The following PTPRN2 variants were observed in gnomAD, a reference collection of about 807,000 sequenced individuals.
PTPRN2 encodes protein tyrosine phosphatase receptor type N2, also known as receptor-type tyrosine-protein phosphatase N2.
A neutral mutation model predicts 118.8 loss-of-function variants in PTPRN2; 74 were observed. The ratio of observed to expected loss-of-function variants is 0.62; its 90% CI spans 0.52 to 0.76. The LOEUF (loss-of-function observed/expected upper bound fraction) is 0.76, where lower values mean the gene tolerates loss of function less well. Ranked by LOEUF, PTPRN2 falls within the 30% of genes least tolerant of loss-of-function variation. The probability of loss-of-function intolerance (pLI) is 0.00; values close to 1 mark genes in which losing one functional copy is unlikely to be tolerated. For missense variants in PTPRN2, 1,481 were observed against 1,394.4 expected (o/e 1.06, Z -0.99); for synonymous variants, 641 against 608.0 (o/e 1.05, Z -0.80).
intron 13 of PTPRN2, among the ~76,000 whole-genome samples, chr7:157,677,918 G>A (rs974156772): frequency 6.6e-6 from 1 of 152,184 alleles, no homozygotes; most frequent in African/African-American, 2.4e-5. Context: ...TTGCCCTCCC[G>A]GGGCCTGGAG....
intron 12 of PTPRN2, among the ~76,000 whole-genome samples, chr7:157,820,484 C>G (rs1042634420): frequency 6.7e-6 from 1 of 148,170 alleles, no homozygotes. Context: ...CACTCATACA[C>G]GCACTCACAG....
Position 158,192,209 on chromosome 7 carries a change from G to A in PTPRN2, c.549+118C>T, listed in dbSNP as rs142580396. The A allele has an allele frequency of 7.7e-4, 932 of 1,205,930 alleles. 3 individuals are homozygous for A. The African/African-American group carries it at 0.013, about 16-fold the overall frequency. 74.7% of individuals were successfully genotyped at this position (1,205,930 alleles called of 1,614,324 possible). ...CCGAAGCCCTGTTCACAGGATGCCCGCTGGCCCGGGAAACAGGCGCAAAGC... is the reference window on the plus strand; with the variant it reads ...CCGAAGCCCTGTTCACAGGATGCCCACTGGCCCGGGAAACAGGCGCAAAGC... On this transcript the variant is annotated intron_variant, in intron 5 of 22. Coordinates refer to ENST00000389418, the MANE Select transcript of PTPRN2 (RefSeq NM_002847.5).
chr7:158,376,919 C>T (rs1810574468), intron 2 of PTPRN2, among the ~76,000 whole-genome samples: 1 of 43,838 alleles, frequency 2.3e-5, no homozygotes. Context: ...CCCTGTCACA[C>T]GTCCTGCACG....
chr7:157,856,209 A>C (rs1809701852), intron 12 of PTPRN2: 1 of 152,238 alleles, frequency 6.6e-6, no homozygotes, highest in African/African-American at 2.4e-5. Context: ...GAAAGATGTG[A>C]AGTGGGTTAG....
At chr7:158,057,870 G>T (rs992509662) in intron 11 of PTPRN2, among the ~76,000 whole-genome samples, 11 of 152,320 alleles carry the variant, frequency 7.2e-5, no homozygotes, top group Middle Eastern at 3.4e-3. Context: ...AGGAACACGG[G>T]CCGTGAAGGA....
chr7:157,557,151 ACATG>A (rs1241338565), intron 21 of PTPRN2, among the ~76,000 whole-genome samples: 1 of 150,966 alleles, frequency 6.6e-6, no homozygotes, highest in Non-Finnish European at 1.5e-5. Context: ...ATATATACTC[ACATG>A]CATGCACACA....
intron 3 of PTPRN2, among the ~76,000 whole-genome samples, chr7:158,266,911 G>T (rs900417082): frequency 2.0e-5 from 3 of 152,162 alleles, no homozygotes; most frequent in African/African-American, 7.2e-5. Flanking sequence ...CTGTGGGGCC[G>T]GCCTTCAGGG....
chr7:158,274,414 G>A, intron 3 of PTPRN2, among the ~76,000 whole-genome samples: 1 of 129,882 alleles, frequency 7.7e-6, no homozygotes, highest in East Asian at 2.5e-4. Flanking sequence ...ACAGGCACAG[G>A]GGGAGCCGCA....
At chr7:158,042,008 C>T (rs1440815594) in intron 11 of PTPRN2, among the ~76,000 whole-genome samples, 1 of 152,194 alleles carries the variant, frequency 6.6e-6, no homozygotes, top group Non-Finnish European at 1.5e-5. Flanking sequence ...CTTTAAGCCT[C>T]AGCAAAGACC....
At chr7:158,165,899 C>T (rs4243839) in intron 6 of PTPRN2, among the ~76,000 whole-genome samples, 96,514 of 151,882 alleles carry the variant, frequency 0.64, 31,346 homozygotes, top group East Asian at 0.79. Flanking sequence ...AGAGCAGTCA[C>T]CTCGAGGCCG....
At chr7:158,205,776 A>G (rs1265156230) in intron 3 of PTPRN2, among the ~76,000 whole-genome samples, 1 of 152,142 alleles carries the variant, frequency 6.6e-6, no homozygotes, top group East Asian at 1.9e-4. Flanking sequence ...TGCACTTGGG[A>G]GAGAGAGCAC....
At chr7:157,751,032 G>A (rs1019486887) in intron 12 of PTPRN2, among the ~76,000 whole-genome samples, 6 of 152,254 alleles carry the variant, frequency 3.9e-5, no homozygotes, top group African/African-American at 7.2e-5. Context: ...CTCCTCACCA[G>A]TGAGCGTCCT....
chr7:158,346,472 T>A (rs566286992), intron 2 of PTPRN2, among the ~76,000 whole-genome samples: 1 of 152,378 alleles, frequency 6.6e-6, no homozygotes, highest in African/African-American at 2.4e-5. Flanking sequence ...AATTCCTTCC[T>A]TTTTAAGACT....
rs771629020 is a variant in PTPRN2 at position 157,615,129 on chromosome 7, G to A, written c.2344+6233C>T. Among the ~76,000 whole-genome samples the A allele has an allele frequency of 1.3e-5, 2 of 152,224 alleles. No individual in the cohort carries two copies. Among genetic ancestry groups the A allele is most frequent in the Non-Finnish European group, 2.9e-5 (2 of 68,034 alleles). Reference sequence around the variant, plus strand: ...AATAAATGAAGTGCTCGCAGGTCACGCTAATACGGCCAACACTGGGCGGCT... The same window carrying A: ...AATAAATGAAGTGCTCGCAGGTCACACTAATACGGCCAACACTGGGCGGCT... On this transcript the variant is annotated intron_variant, in intron 15 of 22. Transcript: ENST00000389418. The surrounding 1 kb of genome is among the most constrained non-coding windows in gnomAD (Gnocchi z 4.3).
intron 6 of PTPRN2, among the ~76,000 whole-genome samples, chr7:158,146,531 C>A (rs772867264): frequency 6.6e-6 from 1 of 151,934 alleles, no homozygotes; most frequent in African/African-American, 2.4e-5. Context: ...ACCATCCTGA[C>A]TAACATGGTG....
intron 1 of PTPRN2, among the ~76,000 whole-genome samples, chr7:158,552,380 A>G (rs1826718863): frequency 1.3e-5 from 2 of 152,274 alleles, no homozygotes; most frequent in Admixed American, 1.3e-4. Context: ...TGAGAAGATC[A>G]GTGAGAAAGG....
intron 14 of PTPRN2, among the ~76,000 whole-genome samples, chr7:157,640,849 T>A (rs566167035): frequency 1.1e-3 from 172 of 152,178 alleles, no homozygotes; most frequent in African/African-American, 4.0e-3. Context: ...ATCAAAGACA[T>A]TTTCAGACAA....
chr7:158,353,906 A>G (rs1436833339), intron 2 of PTPRN2, among the ~76,000 whole-genome samples: 1 of 152,146 alleles, frequency 6.6e-6, no homozygotes. Flanking sequence ...AACAGCCCTG[A>G]GGATGGCCAG....
chr7:158,144,304 G>A (rs1819676186), intron 6 of PTPRN2, among the ~76,000 whole-genome samples: 1 of 152,142 alleles, frequency 6.6e-6, no homozygotes, highest in Non-Finnish European at 1.5e-5. Context: ...AATTCAGAGT[G>A]GCTACAGTGT....
Sources: allele counts gnomAD v4.1 joint callset (sites outside exome capture counted in the v4.1 genomes callset), GRCh38; gene constraint gnomAD v4.1.1; non-coding constraint Gnocchi (gnomAD v3.1); transcripts MANE v1.5; gene names NCBI Gene and HGNC (gene_info 2026-07-23, HGNC 2026-07-21).